Variants in MEGF6 observed in about 807,000 individuals in gnomAD.
MEGF6 encodes multiple epidermal growth factor-like domains protein 6.
A neutral mutation model predicts 207.1 loss-of-function variants in MEGF6; 184 were observed. The ratio of observed to expected loss-of-function variants is 0.89; its 90% CI spans 0.79 to 1.00. The LOEUF is 1.00. MEGF6 is among the 50% of genes least tolerant of loss of function. The pLI is 0.00. For synonymous variants in MEGF6, 1,038 were observed against 910.0 expected, an observed-to-expected ratio of 1.14 and a Z score of -2.53; for missense variants, 2,282 against 2,202.9, an observed-to-expected ratio of 1.04 and a Z score of -0.72.
intron 23 of MEGF6, 111 bp from the exon 24 acceptor site, chr1:3,499,377 C>T: frequency 1.4e-6 from 2 of 1,439,222 alleles, no homozygotes; most frequent in Middle Eastern, 2.5e-4. Flanking sequence ...CTGCTATGGC[C>T]AACTCTCCCC....
chr1:3,505,135 C>T, intron 17 of MEGF6, 73 bp downstream of exon 17: 1 of 1,569,382 alleles, frequency 6.4e-7, no homozygotes, highest in Non-Finnish European at 8.6e-7. Context: ...CTTCTGAAGC[C>T]TACCCTCCAG....
chr1:3,491,000 C>G (rs572791479), intron 35 of MEGF6, 41 bp from the exon 36 acceptor site: 42 of 1,542,206 alleles, frequency 2.7e-5, no homozygotes, highest in East Asian at 1.1e-4. Flanking sequence ...TACCCCCAGC[C>G]TTGAGTGAGC....
At chr1:3,595,582 G>C in intron 2 of MEGF6, 135 bp from the exon 3 acceptor site, 1 of 704,618 alleles carries the variant, frequency 1.4e-6, no homozygotes, top group Non-Finnish European at 2.4e-6. Context: ...AAGGTTCCTG[G>C]GTGGGGTGGC....
In MEGF6 at chr1:3,507,803, C is replaced by T. The variant is rs761530679; in HGVS notation, c.1781G>A (p.Cys594Tyr). The change falls in exon 14 of 37, where the codon TGT becomes TAT. Residue 594 changes from cysteine (C) to tyrosine (Y), a missense_variant. Transcript: ENST00000356575. ...RCPPGVSGTN[C>Y]EDGCPKGYYG... ...GAAGAGGCTGCACGCACCATCCTCA[C>T]AGTTAGTTCCACTGACACCCGGGGG... 6.2e-7 allele frequency: 1 copy of T among 1,612,706 alleles called. No individual in the cohort carries two copies. Among genetic ancestry groups the T allele is most frequent in the Admixed American group, 1.7e-5 (1 of 59,994 alleles).
At chr1:3,511,241 G>A (rs1166580110) in intron 9 of MEGF6, among the ~76,000 whole-genome samples, 2 of 152,244 alleles carry the variant, frequency 1.3e-5, no homozygotes, top group Non-Finnish European at 1.5e-5. Context: ...GGTCTGGGGT[G>A]TGACTTCCAG....
chr1:3,533,181 G>T (rs1216222042), intron 4 of MEGF6, among the ~76,000 whole-genome samples: 1 of 152,194 alleles, frequency 6.6e-6, no homozygotes, highest in Non-Finnish European at 1.5e-5. Flanking sequence ...CCATCCTTGA[G>T]CGCGTGGGAA....
chr1:3,510,713 C>T, intron 10 of MEGF6, 70 bp downstream of exon 10: 1 of 1,530,832 alleles, frequency 6.5e-7, no homozygotes, highest in Non-Finnish European at 8.8e-7. Flanking sequence ...CAGAGCCAGC[C>T]CCGTGTCCTT....
chr1:3,488,071 T>C lies in MEGF6; in HGVS notation c.*2457A>G, dbSNP rs544543387. On this transcript the variant is annotated 3_prime_UTR_variant, in exon 37 of 37. Coordinates refer to ENST00000356575, the MANE Select transcript of MEGF6 (RefSeq NM_001409.4). The stretch of plus-strand genomic sequence containing the variant: ...TGATCAAATCAGGGTAATGAGCATA[T>C]CATCATCTCAAGCGTTTATTATGTG... Among the ~76,000 whole-genome samples the C allele has an allele frequency of 1.3e-4, 20 of 152,234 alleles. 1 individual carries two copies. In the South Asian group the frequency reaches 4.1e-3, roughly 32 times the overall value.
At chr1:3,554,734 G>A (rs1014318303) in intron 4 of MEGF6, among the ~76,000 whole-genome samples, 2 of 152,214 alleles carry the variant, frequency 1.3e-5, no homozygotes, top group Non-Finnish European at 2.9e-5. Context: ...CTCCCTCCAT[G>A]AGGACATGAG....
At chr1:3,513,354 G>GACAGCACCA (rs1641421553) in intron 7 of MEGF6, among the ~76,000 whole-genome samples, 1 of 151,634 alleles carries the variant, frequency 6.6e-6, no homozygotes, top group African/African-American at 2.4e-5. Flanking sequence ...TGGGACTCCT[G>GACAGCACCA]CCTCGGCATC....
intron 3 of MEGF6, 147 bp from the exon 4 acceptor site, chr1:3,580,076 G>T (rs899978040): frequency 1.0e-5 from 6 of 574,396 alleles, no homozygotes; most frequent in Middle Eastern, 4.5e-4. Flanking sequence ...CACATTGCCC[G>T]GCCACCAATG....
intron 5 of MEGF6, among the ~76,000 whole-genome samples, chr1:3,517,546 G>A (rs2820996): frequency 0.077 from 11,655 of 152,232 alleles, 619 homozygotes; most frequent in South Asian, 0.15. Context: ...GCAGATTTTC[G>A]CCAGCGCTGG....
At chr1:3,511,491 C>T (rs1178284761) in intron 9 of MEGF6, 59 bp downstream of exon 9, 1 of 1,547,852 alleles carries the variant, frequency 6.5e-7, no homozygotes, top group African/African-American at 1.4e-5. Flanking sequence ...ATCCCAGACC[C>T]AGGGCAGCAG....
intron 9 of MEGF6, among the ~76,000 whole-genome samples, chr1:3,511,119 G>A (rs940804931): frequency 2.0e-5 from 3 of 152,230 alleles, no homozygotes; most frequent in African/African-American, 4.8e-5. Context: ...TCCTGGTCCC[G>A]CATATGTGCA....
rs538144872 is a variant in MEGF6 at position 3,563,691 on chromosome 1, C to G, written c.481+16134G>C. On this transcript the variant is annotated intron_variant, in intron 4 of 36. Transcript: ENST00000356575. ...GTCCCCCTCTGGCTCCCCTGACACC[C>G]CTAAGAAAGAGAGACGAGGCTGATG... 8.5e-5 allele frequency among the ~76,000 whole-genome samples: 13 copies of G among 152,348 alleles called. No homozygotes were observed. The South Asian group carries it at 1.2e-3, about 15-fold the overall frequency.
chr1:3,533,281 C>T (rs1480795461), intron 4 of MEGF6, among the ~76,000 whole-genome samples: 4 of 152,222 alleles, frequency 2.6e-5, no homozygotes, highest in Non-Finnish European at 5.9e-5. Context: ...GCCCCCAACA[C>T]TCTGCAGAAA....
intron 18 of MEGF6, 85 bp downstream of exon 18, chr1:3,501,711 G>T: frequency 1.3e-6 from 2 of 1,515,220 alleles, no homozygotes; most frequent in Non-Finnish European, 8.8e-7. Context: ...GATCCGCAGG[G>T]CTGGGGCCCC....
chr1:3,579,351 C>T (rs1391657042), intron 4 of MEGF6, among the ~76,000 whole-genome samples: 1 of 152,252 alleles, frequency 6.6e-6, no homozygotes, highest in East Asian at 1.9e-4. Context: ...CTGCTTCAAC[C>T]TGGTCTTCAG....
chr1:3,524,105 G>T lies in MEGF6; in HGVS notation c.604+19C>A. 4.4e-6 allele frequency: 7 copies of T among 1,608,820 alleles called. No individual in the cohort carries two copies. Among genetic ancestry groups the T allele is most frequent in the Non-Finnish European group, 5.9e-6 (7 of 1,177,638 alleles). ...GGCTGAAGCCAGGAGCCCAGGCAGG[G>T]TCTCCAGGCGACACTCACCCAGGCA... On this transcript the variant is annotated intron_variant, in intron 5 of 36. Transcript: ENST00000356575.
Sources: allele counts gnomAD v4.1 joint callset (sites outside exome capture counted in the v4.1 genomes callset), GRCh38; gene constraint gnomAD v4.1.1; transcripts MANE v1.5; gene names NCBI Gene and HGNC (gene_info 2026-07-23, HGNC 2026-07-21).